USP6NL: variants seen among roughly 807,000 people sequenced by gnomAD.
USP6NL encodes USP6 N-terminal like.
USP6NL carries 26 observed loss-of-function variants against 61.9 expected under a neutral mutation model. That is an observed-to-expected ratio of 0.42 (90% CI 0.31 to 0.58). USP6NL has a LOEUF of 0.58. USP6NL is among the 20% of genes least tolerant of loss of function. The probability of loss-of-function intolerance (pLI) is 0.16; values close to 1 mark genes in which losing one functional copy is unlikely to be tolerated. For synonymous variants in USP6NL, 432 were observed against 390.1 expected (o/e 1.11, Z -1.27); for missense variants, 1,114 against 1,034.3 (o/e 1.08, Z -1.06).
At chr10:11,604,313 T>C (rs1042403385) in intron 1 of USP6NL, among the ~76,000 whole-genome samples, 1 of 152,250 alleles carries the variant, frequency 6.6e-6, no homozygotes, top group African/African-American at 2.4e-5. Context: ...CAGGTTCTAA[T>C]TTCCTTAGCG....
intron 2 of USP6NL, among the ~76,000 whole-genome samples, chr10:11,566,565 T>C (rs1184739138): frequency 6.6e-6 from 1 of 152,182 alleles, no homozygotes; most frequent in Non-Finnish European, 1.5e-5. Flanking sequence ...GTCACAAGAC[T>C]AGTAAGTAGT....
At position 11,609,050 on chromosome 10, in the gene USP6NL, GCTTTTCTTTT is replaced by G. The variant is rs150695721; in HGVS notation, c.-84+2383_-84+2392del. ...GAAATCATATCTGACAATGGACTAT[GCTTTTCTTTT>G]CTTTTCTTTTCTTTTTTTATTTGAG... is the stretch of plus-strand genomic sequence containing the variant. On this transcript the variant is annotated intron_variant, in intron 1 of 14. Transcript: ENST00000609104. Among the ~76,000 whole-genome samples, 125 of 151,982 alleles carry G rather than the reference GCTTTTCTTTT, an allele frequency of 8.2e-4. 1 individual carries two copies. In the South Asian group the frequency reaches 0.023, roughly 29 times the overall value.
At position 11,461,347 on chromosome 10, in the gene USP6NL, T is replaced by C. The variant is rs2096213519; in HGVS notation, c.*1094A>G. 6.6e-6 allele frequency: 1 copy of C among 152,164 alleles called. No homozygotes were observed. Among genetic ancestry groups the C allele is most frequent in the Admixed American group, 6.6e-5 (1 of 15,266 alleles). The allele number at this position is 152,164 out of a possible 1,614,324, so 9.4% of individuals were successfully genotyped here. A position where few individuals can be genotyped will look rare whatever the true frequency, so the allele number is the denominator to read the frequency against. The stretch of plus-strand genomic sequence containing the variant: ...AAAATCCTAGACTCCTATGAAAAAC[T>C]AGGATCATTTTTATAATTTTAACAT... On this transcript the variant is annotated 3_prime_UTR_variant, in exon 15 of 15. Coordinates refer to ENST00000609104, the MANE Select transcript of USP6NL (RefSeq NM_014688.5).
At chr10:11,542,835 G>GA (rs1836121212) in intron 2 of USP6NL, among the ~76,000 whole-genome samples, 1 of 152,130 alleles carries the variant, frequency 6.6e-6, no homozygotes, top group Non-Finnish European at 1.5e-5. Context: ...ATGGCTATTT[G>GA]AACAGCAGCA....
At chr10:11,464,026 A>G (rs1000148972) in intron 14 of USP6NL, among the ~76,000 whole-genome samples, 177 bp from the exon 15 acceptor site, 3 of 152,352 alleles carry the variant, frequency 2.0e-5, no homozygotes, top group Admixed American at 2.0e-4. Context: ...TATACCACAG[A>G]AAGTTGGTAG....
chr10:11,598,439 C>A lies in USP6NL; in HGVS notation c.-83-722G>T, dbSNP rs957167959. 6.6e-6 allele frequency among the ~76,000 whole-genome samples: 1 copy of A among 151,996 alleles called. No individual in the cohort carries two copies. Among genetic ancestry groups the A allele is most frequent in the Non-Finnish European group, 1.5e-5 (1 of 67,996 alleles). On this transcript the variant is annotated intron_variant, in intron 1 of 14. Transcript: ENST00000609104. This position sits in a 1 kb window ranked among gnomAD's most constrained non-coding sequence, Gnocchi z 4.7. ...TGTGTTAGTATTAATACAAACTTAA[C>A]CCTTTGCTAAGATTTACTTTATAAA...
intron 2 of USP6NL, among the ~76,000 whole-genome samples, chr10:11,541,111 T>C (rs1836031237): frequency 6.6e-6 from 1 of 151,528 alleles, no homozygotes; most frequent in Non-Finnish European, 1.5e-5. Flanking sequence ...ATCTCATGTG[T>C]GCATGTGTTT....
chr10:11,522,861 T>C (rs1835265904), intron 4 of USP6NL, among the ~76,000 whole-genome samples: 1 of 152,254 alleles, frequency 6.6e-6, no homozygotes. Flanking sequence ...CAGCATACTG[T>C]AGCAGTTCAG....
intron 14 of USP6NL, among the ~76,000 whole-genome samples, chr10:11,466,914 G>C (rs1316340983): frequency 6.6e-6 from 1 of 152,214 alleles, no homozygotes; most frequent in East Asian, 1.9e-4. Context: ...CACAGGGCCA[G>C]CATTCTATAT....
At chr10:11,488,468 G>A (rs187594689) in intron 10 of USP6NL, among the ~76,000 whole-genome samples, 50 of 152,224 alleles carry the variant, frequency 3.3e-4, no homozygotes, top group South Asian at 1.0e-3. Context: ...CAAAAACAAG[G>A]AAACAGTTAT....
rs149675522 is a variant in USP6NL at position 11,592,128 on chromosome 10, T to G, written c.4+5503A>C. Among the ~76,000 whole-genome samples the G allele has an allele frequency of 2.0e-3, 312 of 152,250 alleles. 2 individuals carry two copies. Among genetic ancestry groups the G allele is most frequent in the Admixed American group, 0.015 (227 of 15,278 alleles). ...CTCAGGTGATCTGGCCACCTCAGCCTCCCAAAGTATTGGCATTACAGCCGT... is the reference window on the plus strand; with the variant it reads ...CTCAGGTGATCTGGCCACCTCAGCCGCCCAAAGTATTGGCATTACAGCCGT... On this transcript the variant is annotated intron_variant, in intron 2 of 14. Coordinates refer to ENST00000609104, the MANE Select transcript of USP6NL (RefSeq NM_014688.5). The surrounding 1 kb of genome is among the most constrained non-coding windows in gnomAD (Gnocchi z 4.7).
At position 11,562,671 on chromosome 10, in the gene USP6NL, T is replaced by C. The variant is rs1311904956; in HGVS notation, c.4+34960A>G. 1 of 985,492 alleles carries C rather than the reference T, an allele frequency of 1.0e-6. No individual in the cohort carries two copies. The highest frequency in any genetic ancestry group is 1.2e-6 in the Non-Finnish European group (1 of 829,946). 61.0% of individuals were successfully genotyped at this position (985,492 alleles called of 1,614,324 possible). A position where few individuals can be genotyped will look rare whatever the true frequency, so the allele number is the denominator to read the frequency against. Reference sequence around the variant, plus strand: ...GTGACACTCAACATTCATATGTTGTTAGCCACTTGTATTTCTGTAACTTGT... The same window carrying C: ...GTGACACTCAACATTCATATGTTGTCAGCCACTTGTATTTCTGTAACTTGT... On this transcript the variant is annotated intron_variant, in intron 2 of 14. Transcript: ENST00000609104. The surrounding 1 kb of genome is among the most constrained non-coding windows in gnomAD (Gnocchi z 4.8).
At position 11,470,506 on chromosome 10, in the gene USP6NL, C is replaced by T. The variant is rs1832693622; in HGVS notation, c.1079-6657G>A. On this transcript the variant is annotated intron_variant, in intron 14 of 14. Coordinates refer to ENST00000609104, the MANE Select transcript of USP6NL (RefSeq NM_014688.5). The surrounding 1 kb of genome is among the most constrained non-coding windows in gnomAD (Gnocchi z 5.4). ...CCTGTAAGAAGGACGAATGCCATCACCAGTAACATTTTTATATGCCAATTA... is the reference window on the plus strand; with the variant it reads ...CCTGTAAGAAGGACGAATGCCATCATCAGTAACATTTTTATATGCCAATTA... Among the ~76,000 whole-genome samples, 1 of 152,184 alleles carries T rather than the reference C, an allele frequency of 6.6e-6. No homozygotes were observed. The highest frequency in any genetic ancestry group is 1.5e-5 in the Non-Finnish European group (1 of 68,036).
In USP6NL at chr10:11,585,201, G is replaced by A. The variant is rs1837920912; in HGVS notation, c.4+12430C>T. On this transcript the variant is annotated intron_variant, in intron 2 of 14. Transcript: ENST00000609104. This position sits in a 1 kb window ranked among gnomAD's most constrained non-coding sequence, Gnocchi z 4.5. The stretch of plus-strand genomic sequence containing the variant: ...TAGGATGGCTACTACCAACGAAACA[G>A]AAAATAATAAGGGCTAGGAGGATAT... Among the ~76,000 whole-genome samples the A allele has an allele frequency of 6.6e-6, 1 of 152,146 alleles. No homozygotes were observed. Among genetic ancestry groups the A allele is most frequent in the African/African-American group, 2.4e-5 (1 of 41,428 alleles).
chr10:11,523,990 C>T (rs1185841158), intron 4 of USP6NL, among the ~76,000 whole-genome samples: 1 of 152,042 alleles, frequency 6.6e-6, no homozygotes, highest in Non-Finnish European at 1.5e-5. Flanking sequence ...GTCCTTCATA[C>T]CCCAGATCTG....
intron 14 of USP6NL, among the ~76,000 whole-genome samples, chr10:11,477,279 G>T (rs2133204379): frequency 6.6e-6 from 1 of 152,268 alleles, no homozygotes; most frequent in Admixed American, 6.5e-5. Flanking sequence ...CTAAATTCTG[G>T]ATAATTTTAT....
chr10:11,505,863 C>T (rs1834407637), intron 6 of USP6NL, among the ~76,000 whole-genome samples: 1 of 152,196 alleles, frequency 6.6e-6, no homozygotes, highest in Non-Finnish European at 1.5e-5. Flanking sequence ...ACTCGAGCTG[C>T]TTATGCCTTT....
intron 14 of USP6NL, among the ~76,000 whole-genome samples, chr10:11,471,785 T>C (rs1832761010): frequency 7.9e-6 from 1 of 126,774 alleles, no homozygotes; most frequent in Admixed American, 9.9e-5. Context: ...ATGAAAACAC[T>C]TGGACACAGG....
At chr10:11,517,033 A>G (rs890842164) in intron 5 of USP6NL, among the ~76,000 whole-genome samples, 1 of 152,344 alleles carries the variant, frequency 6.6e-6, no homozygotes, top group Non-Finnish European at 1.5e-5. Flanking sequence ...TGTTGGAGAG[A>G]GAAGTCAATA....
Sources: allele counts gnomAD v4.1 joint callset (sites outside exome capture counted in the v4.1 genomes callset), GRCh38; gene constraint gnomAD v4.1.1; non-coding constraint Gnocchi (gnomAD v3.1); transcripts MANE v1.5; gene names NCBI Gene and HGNC (gene_info 2026-07-23, HGNC 2026-07-21).